ASL: variants seen among roughly 807,000 people sequenced by gnomAD.
ASL encodes argininosuccinase.
ASL carries 51 observed loss-of-function variants against 69.1 expected under a neutral mutation model. The ratio of observed to expected loss-of-function variants is 0.74; its 90% confidence interval spans 0.59 to 0.93. The LOEUF is 0.93. Among genes scored for constraint, ASL ranks in the 40% least tolerant of loss-of-function variants. The pLI is 0.00. For missense variants in ASL, 540 were observed against 623.9 expected (o/e 0.87, Z 1.43); for synonymous variants, 241 against 247.6 (o/e 0.97, Z 0.25).
chr7:66,087,454 C>T (rs1786702961), intron 9 of ASL, 68 bp downstream of exon 9: 4 of 1,565,690 alleles, frequency 2.6e-6, no homozygotes, highest in South Asian at 1.1e-5. Context: ...TGCAGACACA[C>T]CTGAAACCAG....
At chr7:66,090,849 T>G (rs573079568) in intron 14 of ASL, among the ~76,000 whole-genome samples, 1 of 152,116 alleles carries the variant, frequency 6.6e-6, no homozygotes, top group East Asian at 1.9e-4. Context: ...TGTAATCCCA[T>G]CAATTTGCGA....
At chr7:66,090,106 C>T (rs1786801540) in intron 14 of ASL, among the ~76,000 whole-genome samples, 1 of 151,980 alleles carries the variant, frequency 6.6e-6, no homozygotes. Flanking sequence ...GGCGTGATGG[C>T]CCACACCTGT....
At chr7:66,089,477 GCCCTTCCTTT>G in intron 13 of ASL, 125 bp from the exon 14 acceptor site, 1 of 1,427,278 alleles carries the variant, frequency 7.0e-7, no homozygotes, top group East Asian at 2.5e-5. Flanking sequence ...TGAACTCTCT[GCCCTTCCTTT>G]GTTGGGGTAT....
intron 14 of ASL, among the ~76,000 whole-genome samples, chr7:66,091,434 C>T (rs1786839998): frequency 6.6e-6 from 1 of 152,150 alleles, no homozygotes; most frequent in South Asian, 2.1e-4. Context: ...ATGGCGTGTA[C>T]CTGTGGTCCC....
At position 66,089,048 on chromosome 7, in the gene ASL, G is replaced by A. The variant is rs1219763983; in HGVS notation, c.834-43G>A. Reference sequence around the variant, plus strand: ...ACCTGGCCATTGCGGCGCTGGACCAGCCAAGGGTCCAGCCCCTTCAGCGCC... The same window carrying A: ...ACCTGGCCATTGCGGCGCTGGACCAACCAAGGGTCCAGCCCCTTCAGCGCC... On this transcript the variant is annotated intron_variant, in intron 11 of 16. Coordinates refer to ENST00000304874, the MANE Select transcript of ASL (RefSeq NM_000048.4). 5 of 1,611,168 alleles carry A rather than the reference G, an allele frequency of 3.1e-6. No homozygotes were observed. The South Asian group carries it at 4.4e-5, about 14-fold the overall frequency.
chr7:66,090,970 C>T (rs868354903), intron 14 of ASL, among the ~76,000 whole-genome samples: 59 of 151,964 alleles, frequency 3.9e-4, no homozygotes, highest in African/African-American at 1.1e-3. Flanking sequence ...TGGTGGTACA[C>T]GCCTGTAATC....
intron 15 of ASL, 39 bp from the exon 16 acceptor site, chr7:66,092,518 G>A: frequency 6.4e-7 from 1 of 1,565,668 alleles, no homozygotes; most frequent in Non-Finnish European, 8.7e-7. Context: ...AGGGCATGGA[G>A]AAACCTGCCT....
At chr7:66,083,311 G>A in intron 6 of ASL, 137 bp downstream of exon 6, 3 of 922,812 alleles carry the variant, frequency 3.3e-6, no homozygotes. Context: ...CCAGGATCGA[G>A]GCAGAGCAGC....
Position 66,092,880 on chromosome 7 carries a change from G to A in ASL, c.1363G>A (p.Val455Met). The change falls in exon 17 of 17, where the codon GTG becomes ATG. Residue 455 changes from valine (V) to methionine (M), a missense_variant. Physicochemically the swap from Val to Met is conservative, Grantham distance 21. Transcript: ENST00000304874. The part of the protein sequence containing the change: ...RSSVDWQIRQ[V>M]RALLQAQQA ...CAGCGTCGACTGGCAGATCCGCCAG[G>A]TGCGGGCGCTACTGCAGGCACAGCA... is the stretch of plus-strand genomic sequence containing the variant. 2 of 1,611,134 alleles carry A rather than the reference G, an allele frequency of 1.2e-6. No homozygotes were observed. The highest frequency in any genetic ancestry group is 1.7e-6 in the Non-Finnish European group (2 of 1,179,920).
chr7:66,091,097 CAAA>C (rs71051336), intron 14 of ASL, among the ~76,000 whole-genome samples: 4 of 73,420 alleles, frequency 5.4e-5, no homozygotes, highest in African/African-American at 5.3e-5. Flanking sequence ...GACTCCATCT[CAAA>C]AAAAAAAAAA....
chr7:66,092,473 A>AT, intron 15 of ASL, 84 bp from the exon 16 acceptor site: 1 of 1,328,162 alleles, frequency 7.5e-7, no homozygotes. Context: ...AAAAAAAAAA[A>AT]AAAAGGAAGG....
rs764555326 is a variant in ASL at position 66,081,971 on chromosome 7, G to T, written c.181G>T (p.Asp61Tyr). Residue 61 changes from aspartate to tyrosine, a missense_variant, in exon 3 of 17, where the codon GAC becomes TAC. Asp to Tyr is a radical substitution (Grantham distance 160). Transcript: ENST00000304874. ...AGGGCTCCTCACCAAGGCCGAGATG[G>T]ACCAGATACTCCATGGCCTAGACAA... ...KAGLLTKAEMDQILHGLDKVA... is the reference protein window; with the variant it reads ...KAGLLTKAEMYQILHGLDKVA... 9 of 1,611,992 alleles carry T rather than the reference G, an allele frequency of 5.6e-6. No homozygotes were observed. Among genetic ancestry groups the T allele is most frequent in the Non-Finnish European group, 5.1e-6 (6 of 1,179,308 alleles).
chr7:66,093,245 G>T lies in ASL; in HGVS notation c.*333G>T, dbSNP rs1786906926. On this transcript the variant is annotated 3_prime_UTR_variant, in exon 17 of 17. Coordinates refer to ENST00000304874, the MANE Select transcript of ASL (RefSeq NM_000048.4). ...GGTGAGAGGACACTTGTGCCCAGGA[G>T]TGGAGGCTGCAGTGAGCTATGATCA... The T allele has an allele frequency of 2.3e-6, 1 of 426,548 alleles. No homozygotes were observed. Among genetic ancestry groups the T allele is most frequent in the East Asian group, 4.9e-5 (1 of 20,234 alleles). 26.4% of individuals were successfully genotyped at this position (426,548 alleles called of 1,614,324 possible).
chr7:66,087,527 C>G, intron 9 of ASL, 141 bp downstream of exon 9: 2 of 1,143,416 alleles, frequency 1.7e-6, no homozygotes, highest in Non-Finnish European at 2.5e-6. Context: ...CTGAGGTCAT[C>G]AAGTTCAGGG....
chr7:66,084,689 C>T (rs926173137), intron 6 of ASL, among the ~76,000 whole-genome samples: 2 of 151,868 alleles, frequency 1.3e-5, no homozygotes, highest in Admixed American at 6.6e-5. Context: ...GCGTGATCTC[C>T]ACTCACTGCA....
Position 66,086,818 on chromosome 7 carries a change from G to A in ASL, c.599G>A (p.Gly200Glu). Residue 200 changes from glycine to glutamate, a missense_variant, in exon 8 of 17, where the codon GGG (glycine) becomes GAG (glutamate). Transcript: ENST00000304874. ...AAGCGGATCAATGTCCTGCCCCTGGGGAGGTGGGTGAGGCTCCAGTGCCCC... is the reference window on the plus strand; with the variant it reads ...AAGCGGATCAATGTCCTGCCCCTGGAGAGGTGGGTGAGGCTCCAGTGCCCC... ...VRKRINVLPL[G>E]SGAIAGNPLG... is the part of the protein sequence containing the mutation. 6.4e-7 allele frequency: 1 copy of A among 1,574,780 alleles called. No individual in the cohort carries two copies. The highest frequency in any genetic ancestry group is 1.3e-5 in the African/African-American group (1 of 74,306).
intron 6 of ASL, among the ~76,000 whole-genome samples, chr7:66,083,570 G>A (rs1786573764): frequency 6.6e-6 from 1 of 151,912 alleles, no homozygotes; most frequent in South Asian, 2.1e-4. Flanking sequence ...TGTAATCCCA[G>A]CTACTCGGGA....
chr7:66,087,931 TA>T (rs1786719115), intron 10 of ASL, 140 bp downstream of exon 10: 1 of 1,116,388 alleles, frequency 9.0e-7, no homozygotes, highest in East Asian at 2.6e-5. Flanking sequence ...CTTAAATGGG[TA>T]AAGTGGGTGG....
chr7:66,087,316 G>A lies in ASL; in HGVS notation c.603-18G>A, dbSNP rs1483055180. ...GCCTGCCAGGAGCCCTGGTCACCAT[G>A]AATCCCTGTCCCTGCAGTGGGGCCA... On this transcript the variant is annotated intron_variant, in intron 8 of 16. Transcript: ENST00000304874. The A allele has an allele frequency of 6.2e-7, 1 of 1,601,700 alleles. No homozygotes were observed. The highest frequency in any genetic ancestry group is 2.2e-5 in the East Asian group (1 of 44,794).
Sources: gnomAD v4.1 joint callset for allele counts (sites outside exome capture counted in the v4.1 genomes callset) on GRCh38, gnomAD v4.1.1 for gene constraint, MANE v1.5 for transcripts, NCBI Gene and HGNC (gene_info 2026-07-23, HGNC 2026-07-21) for gene names.